WWOX: variants seen among roughly 807,000 people sequenced by gnomAD.
WWOX encodes the protein WW domain containing oxidoreductase.
A neutral mutation model predicts 46.2 loss-of-function variants in WWOX; 69 were observed. That is an observed-to-expected ratio of 1.49 (90% CI 1.23 to 1.82). The LOEUF is 1.82. Among genes scored for constraint, WWOX ranks in the 40% most tolerant of loss-of-function variants. The pLI is 0.00. For synonymous variants in WWOX, 359 were observed against 202.6 expected, an observed-to-expected ratio of 1.77 and a Z score of -6.56; for missense variants, 919 against 542.6, an observed-to-expected ratio of 1.69 and a Z score of -6.89.
At chr16:78,937,157 T>A (rs1446208812) in intron 8 of WWOX, among the ~76,000 whole-genome samples, 1 of 152,134 alleles carries the variant, frequency 6.6e-6, no homozygotes, top group East Asian at 1.9e-4. Flanking sequence ...TATATCAAAT[T>A]TCCATCAAGA....
At chr16:78,348,542 T>C (rs9930964) in intron 5 of WWOX, among the ~76,000 whole-genome samples, 69,843 of 119,264 alleles carry the variant, frequency 0.59, 28,703 homozygotes, top group African/African-American at 0.7. Flanking sequence ...ACTGTAGCTT[T>C]TGCCTCTTGA....
At chr16:78,116,494 A>G (rs1013075335) in intron 4 of WWOX, among the ~76,000 whole-genome samples, 1 of 152,164 alleles carries the variant, frequency 6.6e-6, no homozygotes, top group African/African-American at 2.4e-5. Context: ...TTTTTTAAGA[A>G]TTGAAAGGAT....
intron 8 of WWOX, among the ~76,000 whole-genome samples, chr16:78,543,425 G>A (rs1297292005): frequency 6.6e-6 from 1 of 152,192 alleles, no homozygotes; most frequent in Non-Finnish European, 1.5e-5. Context: ...AGGATTAAGA[G>A]GTACTGTATT....
intron 6 of WWOX, among the ~76,000 whole-genome samples, chr16:78,414,222 T>G (rs1319137554): frequency 1.3e-5 from 2 of 152,004 alleles, no homozygotes; most frequent in African/African-American, 2.4e-5. Flanking sequence ...TACACCTATT[T>G]CCCTTTGCTG....
At chr16:78,173,709 G>C (rs1597307076) in intron 5 of WWOX, among the ~76,000 whole-genome samples, 2 of 152,112 alleles carry the variant, frequency 1.3e-5, no homozygotes, top group Admixed American at 6.6e-5. Flanking sequence ...AAGCTAACTT[G>C]TCCAATGCAG....
chr16:78,799,888 A>C (rs1303996059), intron 8 of WWOX, among the ~76,000 whole-genome samples: 1 of 152,122 alleles, frequency 6.6e-6, no homozygotes, highest in Non-Finnish European at 1.5e-5. Flanking sequence ...GCTTTAGAAA[A>C]ATTTCTATGT....
At chr16:78,173,109 C>A (rs1306387325) in intron 5 of WWOX, among the ~76,000 whole-genome samples, 1 of 152,254 alleles carries the variant, frequency 6.6e-6, no homozygotes, top group South Asian at 2.1e-4. Flanking sequence ...GGCAGCACGC[C>A]CTGCGATAGG....
chr16:78,535,726 T>C (rs181476988), intron 8 of WWOX: 1 of 152,232 alleles, frequency 6.6e-6, no homozygotes, highest in Non-Finnish European at 1.5e-5. Flanking sequence ...TTTGTTACAA[T>C]GTATGTTCAC....
At chr16:78,468,305 CTG>C (rs1380040134) in intron 8 of WWOX, among the ~76,000 whole-genome samples, 1 of 149,070 alleles carries the variant, frequency 6.7e-6, no homozygotes, top group Admixed American at 6.7e-5. Context: ...GAGCAGAACA[CTG>C]TACTCCAGAC....
At chr16:78,769,155 G>T (rs1232873160) in intron 8 of WWOX, among the ~76,000 whole-genome samples, 1 of 152,180 alleles carries the variant, frequency 6.6e-6, no homozygotes, top group East Asian at 1.9e-4. Context: ...AGGATGGAAA[G>T]GTTAAATGGA....
intron 8 of WWOX, among the ~76,000 whole-genome samples, chr16:78,615,323 C>T (rs757854931): frequency 9.2e-5 from 14 of 152,020 alleles, no homozygotes; most frequent in East Asian, 1.9e-4. Context: ...CTCCTCTCCG[C>T]GACTCGGTAC....
chr16:79,034,976 C>T (rs1006106915), intron 8 of WWOX, among the ~76,000 whole-genome samples: 1 of 152,150 alleles, frequency 6.6e-6, no homozygotes, highest in African/African-American at 2.4e-5. Flanking sequence ...AAATCAGAAG[C>T]AAAATCATTG....
intron 5 of WWOX, among the ~76,000 whole-genome samples, chr16:78,304,603 T>C (rs1054560811): frequency 1.3e-5 from 2 of 152,336 alleles, no homozygotes; most frequent in South Asian, 2.1e-4. Flanking sequence ...TATAAAGAGA[T>C]ATATACGCGT....
At chr16:78,392,708 A>C (rs1246817394) in intron 6 of WWOX, among the ~76,000 whole-genome samples, 1 of 152,142 alleles carries the variant, frequency 6.6e-6, no homozygotes, top group Non-Finnish European at 1.5e-5. Context: ...CAAGAGACTC[A>C]ATCAACTTCG....
In WWOX at chr16:78,820,221, C is replaced by G. The variant is rs987624567; in HGVS notation, c.1056+387469C>G. On this transcript the variant is annotated intron_variant, in intron 8 of 8. Coordinates refer to ENST00000566780, the MANE Select transcript of WWOX (RefSeq NM_016373.4). ...TCTGGGTGTTGTAAGAAAGCAAGAA[C>G]AGTCATGGACACTGCTAAGTTTTGA... Among the ~76,000 whole-genome samples, 5 of 152,100 alleles carry G rather than the reference C, an allele frequency of 3.3e-5. No individual in the cohort carries two copies. In the South Asian group the frequency reaches 6.2e-4, roughly 19 times the overall value.
At chr16:78,682,844 C>A (rs12149564) in intron 8 of WWOX, among the ~76,000 whole-genome samples, 14,685 of 152,210 alleles carry the variant, frequency 0.096, 1,176 homozygotes, top group African/African-American at 0.22. Context: ...ATGCCTGCTG[C>A]AAATAGAACA....
Position 79,194,126 on chromosome 16 carries a change from C to T in WWOX, c.1057-17482C>T, listed in dbSNP as rs565156096. Among the ~76,000 whole-genome samples, 16 of 152,098 alleles carry T rather than the reference C, an allele frequency of 1.1e-4. 1 individual carries two copies. Among genetic ancestry groups the T allele is most frequent in the African/African-American group, 3.6e-4 (15 of 41,506 alleles). On this transcript the variant is annotated intron_variant, in intron 8 of 8. Coordinates refer to ENST00000566780, the MANE Select transcript of WWOX (RefSeq NM_016373.4). Reference sequence around the variant, plus strand: ...AGAAAGTTTAGAGCAGCGTGTGGCACGTAATGCATATTATGTAAGTGTAGC... The same window carrying T: ...AGAAAGTTTAGAGCAGCGTGTGGCATGTAATGCATATTATGTAAGTGTAGC...
intron 8 of WWOX, among the ~76,000 whole-genome samples, chr16:79,094,797 A>G (rs187178765): frequency 5.5e-4 from 83 of 152,262 alleles, no homozygotes; most frequent in African/African-American, 1.8e-3. Context: ...AGGAAACGAG[A>G]AGAGAATGAC....
chr16:78,462,304 A>T (rs1339143069), intron 8 of WWOX, among the ~76,000 whole-genome samples: 2 of 150,480 alleles, frequency 1.3e-5, no homozygotes, highest in Non-Finnish European at 3.0e-5. Context: ...TCTGTGATTG[A>T]TCTTTTATTC....
Sources: allele counts gnomAD v4.1 joint callset (sites outside exome capture counted in the v4.1 genomes callset), GRCh38; gene constraint gnomAD v4.1.1; transcripts MANE v1.5; gene names NCBI Gene and HGNC (gene_info 2026-07-23, HGNC 2026-07-21).